Variants in KCTD1 observed in about 807,000 individuals in gnomAD.
KCTD1 encodes BTB/POZ domain-containing protein KCTD1.
In KCTD1, 24 loss-of-function variants were observed where a neutral mutation model predicts 66.0. That is an observed-to-expected ratio of 0.36 (90% confidence interval 0.26 to 0.51). The LOEUF (loss-of-function observed/expected upper bound fraction) is 0.51. Ranked by LOEUF, KCTD1 falls within the 20% of genes least tolerant of loss-of-function variation. The probability of loss-of-function intolerance (pLI) is 0.95; values close to 1 mark genes in which losing one functional copy is unlikely to be tolerated. For missense variants in KCTD1, 943 were observed against 1,205.2 expected (o/e 0.78, Z 3.22); for synonymous variants, 511 against 517.2 (o/e 0.99, Z 0.16).
chr18:26,604,252 C>A (rs1366378899), intron 1 of KCTD1, among the ~76,000 whole-genome samples: 5 of 151,898 alleles, frequency 3.3e-5, no homozygotes, highest in African/African-American at 1.2e-4. Context: ...ATTAAAAAGT[C>A]AAAAAAATAA....
intron 1 of KCTD1, among the ~76,000 whole-genome samples, chr18:26,611,901 T>C (rs1381085988): frequency 6.6e-6 from 1 of 152,140 alleles, no homozygotes; most frequent in African/African-American, 2.4e-5. Context: ...TCTTTTGGGG[T>C]TTTGCTTTTA....
rs978244767 is a variant in KCTD1 at position 26,463,427 on chromosome 18, G to GA, written c.2134-3503dup. Among the ~76,000 whole-genome samples the GA allele has an allele frequency of 1.1e-4, 17 of 149,310 alleles. 1 individual carries two copies. Among genetic ancestry groups the GA allele is most frequent in the Admixed American group, 4.0e-4 (6 of 15,042 alleles). On this transcript the variant is annotated intron_variant, in intron 3 of 4. Coordinates refer to ENST00000580059, the MANE Select transcript of KCTD1 (RefSeq NM_001142730.3). ...GAAAGACCCATCTCAAAAAAAAAGA[G>GA]AAAAAAAAAGGCACCATCCATATTT...
At chr18:26,549,981 T>C (rs1985489002), upstream of KCTD1, among the ~76,000 whole-genome samples, 1 of 152,042 alleles carries the variant, frequency 6.6e-6, no homozygotes, top group South Asian at 2.1e-4. Context: ...ACCTCGGCTG[T>C]TCTCTTAGGA....
At chr18:26,540,457 C>T (rs941539706) in intron 1 of KCTD1, among the ~76,000 whole-genome samples, 2 of 152,104 alleles carry the variant, frequency 1.3e-5, no homozygotes, top group South Asian at 2.1e-4. Context: ...TTGAACTGTG[C>T]GGGTTCACTT....
At chr18:26,513,047 C>A (rs1272245745) in intron 1 of KCTD1, among the ~76,000 whole-genome samples, 1 of 151,488 alleles carries the variant, frequency 6.6e-6, no homozygotes, top group East Asian at 1.9e-4. Context: ...TACTTAAATA[C>A]CCCAAAGAAT....
chr18:26,550,724 C>G (rs1388129578), upstream of KCTD1, among the ~76,000 whole-genome samples: 1 of 152,364 alleles, frequency 6.6e-6, no homozygotes, highest in Admixed American at 6.5e-5. This position sits in a 1 kb window ranked among gnomAD's most constrained non-coding sequence, Gnocchi z 5.4. Flanking sequence ...GCCCTGGACA[C>G]GTGCAGAAAG....
rs1988104988 is a variant in KCTD1 at position 26,655,101 on chromosome 18, A to C, written c.9+2259T>G. ...CTTGATGCAGAATCAGGTTTAATGA[A>C]TCATTCTACAGCATCAGCCTCAGCC... On this transcript the variant is annotated intron_variant, in intron 1 of 4. Coordinates refer to the KCTD1 transcript ENST00000580191. Among the ~76,000 whole-genome samples, 5 of 152,368 alleles carry C rather than the reference A, an allele frequency of 3.3e-5. No individual in the cohort carries two copies. In the South Asian group the frequency reaches 1.0e-3, roughly 32 times the overall value.
At chr18:26,656,525 C>G (rs956092733) in intron 1 of KCTD1, among the ~76,000 whole-genome samples, 1 of 152,034 alleles carries the variant, frequency 6.6e-6, no homozygotes, top group African/African-American at 2.4e-5. Context: ...GGCGGCGAAT[C>G]TGGACCAGCC....
intron 2 of KCTD1, among the ~76,000 whole-genome samples, chr18:26,493,991 C>A (rs927665677): frequency 6.6e-6 from 1 of 152,178 alleles, no homozygotes; most frequent in Non-Finnish European, 1.5e-5. Context: ...TCGCCCTTGC[C>A]CAGGTAAACT....
At chr18:26,551,135 C>A (rs1985552977), upstream of KCTD1, among the ~76,000 whole-genome samples, 1 of 152,182 alleles carries the variant, frequency 6.6e-6, no homozygotes, top group South Asian at 2.1e-4. Flanking sequence ...TTGAATTGCT[C>A]GCAGTTTGCC....
At chr18:26,506,972 C>A (rs1024316557) in intron 1 of KCTD1, among the ~76,000 whole-genome samples, 1 of 152,148 alleles carries the variant, frequency 6.6e-6, no homozygotes, top group African/African-American at 2.4e-5. Flanking sequence ...TTGAGACCAG[C>A]CTGGCCAACA....
upstream of KCTD1, chr18:26,549,053 C>G (rs1358393376): frequency 4.1e-5 from 40 of 985,024 alleles, no homozygotes; most frequent in Non-Finnish European, 4.8e-5. Context: ...CTGCGCCGGG[C>G]GGGCCGCGGG....
At chr18:26,624,792 G>T (rs529414423) in intron 1 of KCTD1, among the ~76,000 whole-genome samples, 3 of 152,330 alleles carry the variant, frequency 2.0e-5, no homozygotes, top group African/African-American at 7.2e-5. Context: ...CAGAATGGCA[G>T]ATCTACTGAC....
At chr18:26,626,165 A>C (rs4800749) in intron 1 of KCTD1, among the ~76,000 whole-genome samples, 54,935 of 146,478 alleles carry the variant, frequency 0.38, 10,354 homozygotes, top group Middle Eastern at 0.44. Flanking sequence ...AAAAAAAAAA[A>C]CAAAAAAAAA....
chr18:26,627,262 TTGTGTG>T (rs59902249), intron 1 of KCTD1, among the ~76,000 whole-genome samples: 37,055 of 145,808 alleles, frequency 0.25, 4,632 homozygotes, highest in Middle Eastern at 0.34. Context: ...CTTCTGGGTT[TTGTGTG>T]TGTGTGTGTG....
At chr18:26,563,267 T>G (rs1985903749) in intron 1 of KCTD1, among the ~76,000 whole-genome samples, 1 of 152,176 alleles carries the variant, frequency 6.6e-6, no homozygotes, top group African/African-American at 2.4e-5. Flanking sequence ...TAGTCTCTGA[T>G]CCCTGGTCCT....
At chr18:26,555,996 A>G (rs1985698346) in intron 1 of KCTD1, among the ~76,000 whole-genome samples, 2 of 151,646 alleles carry the variant, frequency 1.3e-5, no homozygotes, top group South Asian at 4.2e-4. Context: ...GTGGGTATGT[A>G]CCTGCCCCGT....
At chr18:26,599,454 G>A in intron 1 of KCTD1, 2 of 1,611,948 alleles carry the variant, frequency 1.2e-6, no homozygotes, top group Non-Finnish European at 1.7e-6. Context: ...AGTGGTCTGG[G>A]ATAAGTCATC....
At chr18:26,530,295 T>A (rs1311647676) in intron 1 of KCTD1, among the ~76,000 whole-genome samples, 2 of 152,156 alleles carry the variant, frequency 1.3e-5, no homozygotes, top group Non-Finnish European at 2.9e-5. Context: ...TATAATACAG[T>A]TTATCTTTGT....
Sources: gnomAD v4.1 joint callset for allele counts (sites outside exome capture counted in the v4.1 genomes callset) on GRCh38, gnomAD v4.1.1 for gene constraint, Gnocchi (gnomAD v3.1) non-coding constraint, MANE v1.5 for transcripts, NCBI Gene and HGNC (gene_info 2026-07-23, HGNC 2026-07-21) for gene names.